The following DPYD variants were observed in gnomAD, a reference collection of about 807,000 sequenced individuals.
DPYD encodes dihydropyrimidine dehydrogenase.
Under a neutral mutation model 116.2 loss-of-function variants are expected in DPYD, and 109 were observed. The observed-to-expected ratio is 0.94, with a 90% CI of 0.80 to 1.10. DPYD has a LOEUF of 1.10. Among genes scored for constraint, DPYD ranks in the 50% least tolerant of loss-of-function variants. DPYD has a pLI of 0.00. For missense variants in DPYD, 1,302 were observed against 1,254.5 expected (o/e 1.04, Z -0.57); for synonymous variants, 440 against 432.0 (o/e 1.02, Z -0.23).
At chr1:97,832,045 T>TGTG (rs1669562760) in intron 2 of DPYD, among the ~76,000 whole-genome samples, 1 of 133,950 alleles carries the variant, frequency 7.5e-6, no homozygotes, top group Admixed American at 7.8e-5. Context: ...ATATAATGTA[T>TGTG]TGTGTGTGTG....
chr1:97,825,549 C>A (rs1441125294), intron 3 of DPYD, among the ~76,000 whole-genome samples: 2 of 145,166 alleles, frequency 1.4e-5, no homozygotes, highest in Non-Finnish European at 1.5e-5. Context: ...CATGTTCTCA[C>A]CCACAGGTGG....
At chr1:97,530,240 C>T (rs1327900975) in intron 12 of DPYD, among the ~76,000 whole-genome samples, 2 of 115,828 alleles carry the variant, frequency 1.7e-5, no homozygotes, top group East Asian at 2.7e-4. Flanking sequence ...TTTTTTGAGA[C>T]GGAGTCTCGC....
At chr1:97,692,048 A>G (rs1661036258) in intron 6 of DPYD, among the ~76,000 whole-genome samples, 1 of 152,164 alleles carries the variant, frequency 6.6e-6, no homozygotes, top group South Asian at 2.1e-4. Context: ...AAAATGATAA[A>G]TATAAAACTG....
intron 21 of DPYD, among the ~76,000 whole-genome samples, chr1:97,087,367 T>A (rs1020911609): frequency 1.4e-4 from 22 of 152,144 alleles, no homozygotes; most frequent in African/African-American, 5.3e-4. Context: ...ACATCTTAAG[T>A]TTAAATTTGG....
At chr1:97,895,506 C>T (rs1673012656) in intron 1 of DPYD, among the ~76,000 whole-genome samples, 1 of 151,712 alleles carries the variant, frequency 6.6e-6, no homozygotes, top group Non-Finnish European at 1.5e-5. Flanking sequence ...TGCCCTTCAT[C>T]TATATGGTTA....
intron 20 of DPYD, among the ~76,000 whole-genome samples, chr1:97,165,668 A>G (rs1295692841): frequency 6.6e-6 from 1 of 152,182 alleles, no homozygotes; most frequent in Admixed American, 6.5e-5. Flanking sequence ...TTTGCAAACT[A>G]TGTATCGAAC....
chr1:97,291,740 T>G (rs1208620002), intron 18 of DPYD, among the ~76,000 whole-genome samples: 1 of 151,930 alleles, frequency 6.6e-6, no homozygotes, highest in Non-Finnish European at 1.5e-5. Flanking sequence ...TAATGCTAAA[T>G]GATGAGTTAA....
intron 3 of DPYD, among the ~76,000 whole-genome samples, chr1:97,814,713 G>A (rs1452523847): frequency 6.6e-6 from 1 of 151,930 alleles, no homozygotes; most frequent in Non-Finnish European, 1.5e-5. Context: ...TCTCCAGCCT[G>A]GCCAACATGG....
intron 8 of DPYD, among the ~76,000 whole-genome samples, chr1:97,671,152 CAAT>C (rs1028819548): frequency 6.6e-6 from 1 of 151,770 alleles, no homozygotes; most frequent in African/African-American, 2.4e-5. Context: ...TCCTTTTTTA[CAAT>C]AATACGGAAG....
intron 8 of DPYD, among the ~76,000 whole-genome samples, chr1:97,618,397 A>G (rs1656427437): frequency 7.2e-6 from 1 of 139,504 alleles, no homozygotes; most frequent in Non-Finnish European, 1.5e-5. Context: ...TTTTTTCTAG[A>G]TGGAGTCTGG....
chr1:97,495,333 G>T (rs2101914500), intron 13 of DPYD, among the ~76,000 whole-genome samples: 1 of 152,222 alleles, frequency 6.6e-6, no homozygotes, highest in East Asian at 1.9e-4. Context: ...AAAGAATACA[G>T]AAATCAGATT....
At chr1:97,276,228 C>G (rs988127368) in intron 18 of DPYD, among the ~76,000 whole-genome samples, 4 of 152,074 alleles carry the variant, frequency 2.6e-5, no homozygotes, top group Admixed American at 2.6e-4. Flanking sequence ...TCTTCTAGGA[C>G]TCTTAATGGT....
At chr1:97,678,225 T>C (rs1660250073) in intron 8 of DPYD, among the ~76,000 whole-genome samples, 1 of 152,156 alleles carries the variant, frequency 6.6e-6, no homozygotes, top group South Asian at 2.1e-4. Context: ...TTTGCACTCC[T>C]ATGATAATTT....
intron 3 of DPYD, among the ~76,000 whole-genome samples, chr1:97,751,422 A>G (rs552071585): frequency 8.3e-6 from 1 of 119,804 alleles, no homozygotes; most frequent in African/African-American, 3.2e-5. Context: ...GTATATATAT[A>G]TGTATACGTG....
intron 1 of DPYD, among the ~76,000 whole-genome samples, chr1:97,919,999 A>AAC (rs1398340149): frequency 3.3e-5 from 5 of 152,136 alleles, no homozygotes; most frequent in Non-Finnish European, 5.9e-5. Flanking sequence ...TTCTAAAGAA[A>AAC]ACACACACAC....
At chr1:97,470,948 T>C (rs1677612926) in intron 13 of DPYD, among the ~76,000 whole-genome samples, 1 of 151,760 alleles carries the variant, frequency 6.6e-6, no homozygotes, top group South Asian at 2.1e-4. Context: ...TGAGATCGCA[T>C]CACTGCACTC....
chr1:97,357,682 C>T (rs1271209327), intron 16 of DPYD, among the ~76,000 whole-genome samples: 2 of 152,136 alleles, frequency 1.3e-5, no homozygotes, highest in African/African-American at 2.4e-5. Flanking sequence ...TACCTTAACC[C>T]TTTTCCACCC....
chr1:97,182,129 G>A (rs1657688934), intron 20 of DPYD, among the ~76,000 whole-genome samples: 1 of 152,032 alleles, frequency 6.6e-6, no homozygotes, highest in Non-Finnish European at 1.5e-5. Flanking sequence ...TTATTTGTGG[G>A]ATCATCACAC....
intron 2 of DPYD, among the ~76,000 whole-genome samples, chr1:97,838,617 G>A (rs962937229): frequency 1.3e-5 from 2 of 150,352 alleles, no homozygotes; most frequent in Non-Finnish European, 3.0e-5. Context: ...AGGCCGAGGC[G>A]GGTGGATCAT....
Sources: gnomAD v4.1 joint callset for allele counts (sites outside exome capture counted in the v4.1 genomes callset) on GRCh38, gnomAD v4.1.1 for gene constraint, MANE v1.5 for transcripts, NCBI Gene and HGNC (gene_info 2026-07-23, HGNC 2026-07-21) for gene names.